Variants in MACROD2 observed in about 807,000 individuals in gnomAD.
MACROD2 encodes ADP-ribose glycohydrolase MACROD2.
MACROD2 carries 36 observed loss-of-function variants against 70.4 expected under a neutral mutation model. That is an observed-to-expected ratio of 0.51 (90% CI 0.39 to 0.68). The LOEUF (loss-of-function observed/expected upper bound fraction) is 0.68, where lower values mean the gene tolerates loss of function less well. Among genes scored for constraint, MACROD2 ranks in the 30% least tolerant of loss-of-function variants. The pLI is 0.00. For synonymous variants in MACROD2, 172 were observed against 178.8 expected, an observed-to-expected ratio of 0.96 and a Z score of 0.30; for missense variants, 496 against 538.4, an observed-to-expected ratio of 0.92 and a Z score of 0.78.
At chr20:15,872,449 T>C (rs1162374379) in intron 9 of MACROD2, among the ~76,000 whole-genome samples, 1 of 152,202 alleles carries the variant, frequency 6.6e-6, no homozygotes, top group Non-Finnish European at 1.5e-5. Flanking sequence ...AATGCTAGGC[T>C]TGTTATTATA....
intron 8 of MACROD2, among the ~76,000 whole-genome samples, chr20:15,848,010 G>T (rs2147142164): frequency 6.6e-6 from 1 of 152,278 alleles, no homozygotes; most frequent in Admixed American, 6.5e-5. Flanking sequence ...GTATAGCAGA[G>T]AAGTGTTCAA....
At chr20:15,864,970 C>A (rs1426993978) in intron 9 of MACROD2, among the ~76,000 whole-genome samples, 1 of 152,058 alleles carries the variant, frequency 6.6e-6, no homozygotes, top group African/African-American at 2.4e-5. Flanking sequence ...ACATAATATA[C>A]CTTACCTGTC....
chr20:14,829,089 C>T (rs373622532), intron 5 of MACROD2, among the ~76,000 whole-genome samples: 4 of 151,262 alleles, frequency 2.6e-5, no homozygotes, highest in East Asian at 1.9e-4. Context: ...TCCCTCCCAC[C>T]GCTCCCTGCT....
At chr20:15,669,600 A>T (rs2049950524) in intron 8 of MACROD2, among the ~76,000 whole-genome samples, 2 of 152,202 alleles carry the variant, frequency 1.3e-5, no homozygotes, top group African/African-American at 4.8e-5. Context: ...TTTAAGCCTA[A>T]TATATGATCC....
intron 5 of MACROD2, among the ~76,000 whole-genome samples, chr20:15,114,012 T>C (rs2075974919): frequency 6.6e-6 from 1 of 152,126 alleles, no homozygotes; most frequent in Non-Finnish European, 1.5e-5. Context: ...TGCCTAATCT[T>C]TGAAGTCTGG....
intron 4 of MACROD2, among the ~76,000 whole-genome samples, chr20:14,506,778 G>A (rs2084973539): frequency 6.6e-6 from 1 of 152,024 alleles, no homozygotes; most frequent in Admixed American, 6.6e-5. Flanking sequence ...GTGAAACCCT[G>A]CCTCCACTAA....
chr20:15,492,701 C>T (rs778079503), intron 7 of MACROD2, among the ~76,000 whole-genome samples: 5 of 152,130 alleles, frequency 3.3e-5, no homozygotes, highest in South Asian at 4.2e-4. Context: ...GAAAGTCTCA[C>T]GTTTGATAAC....
intron 7 of MACROD2, among the ~76,000 whole-genome samples, chr20:15,496,222 G>A (rs2047296139): frequency 6.6e-6 from 1 of 152,210 alleles, no homozygotes; most frequent in South Asian, 2.1e-4. Flanking sequence ...ACAAACTAAC[G>A]AGAAAACAAG....
At chr20:15,619,471 G>A (rs777535790) in intron 8 of MACROD2, 6 of 273,554 alleles carry the variant, frequency 2.2e-5, no homozygotes, top group Admixed American at 1.5e-4. Flanking sequence ...GCAGAGCCCC[G>A]GGCAGGATCA....
intron 3 of MACROD2, among the ~76,000 whole-genome samples, chr20:14,211,613 T>C (rs749686299): frequency 5.3e-5 from 8 of 152,200 alleles, no homozygotes; most frequent in Non-Finnish European, 7.3e-5. Context: ...GTTTACAGGC[T>C]CTCTGCTATC....
At chr20:14,463,781 A>C (rs1346791724) in intron 3 of MACROD2, among the ~76,000 whole-genome samples, 1 of 152,036 alleles carries the variant, frequency 6.6e-6, no homozygotes, top group Admixed American at 6.6e-5. Flanking sequence ...TTCTGCATCT[A>C]TTGAGATAAT....
intron 15 of MACROD2, among the ~76,000 whole-genome samples, chr20:16,020,640 G>T (rs534423272): frequency 8.0e-5 from 12 of 150,268 alleles, no homozygotes; most frequent in South Asian, 6.4e-4. Context: ...GACATTGATT[G>T]TCTATCTCAT....
intron 8 of MACROD2, among the ~76,000 whole-genome samples, chr20:15,736,354 T>C (rs6043500): frequency 6.5e-4 from 99 of 152,308 alleles, no homozygotes; most frequent in African/African-American, 2.2e-3. Context: ...ATGAAGATAG[T>C]TGCTGTTTCT....
chr20:14,928,656 C>T (rs2074262095), intron 5 of MACROD2, among the ~76,000 whole-genome samples: 1 of 152,188 alleles, frequency 6.6e-6, no homozygotes, highest in Admixed American at 6.5e-5. Flanking sequence ...AAGTCCTCAT[C>T]ATCCTGTATG....
At chr20:15,095,494 T>C (rs1042115441) in intron 5 of MACROD2, among the ~76,000 whole-genome samples, 3 of 151,974 alleles carry the variant, frequency 2.0e-5, no homozygotes, top group Non-Finnish European at 4.4e-5. Context: ...TATAGTTTTT[T>C]GTTTTGTTTT....
In MACROD2 at chr20:15,076,937, A is replaced by G. The variant is rs964328414; in HGVS notation, c.419-153003A>G. Among the ~76,000 whole-genome samples, 2 of 152,276 alleles carry G rather than the reference A, an allele frequency of 1.3e-5. 1 individual carries two copies. Reference sequence around the variant, plus strand: ...AGTTCAGAATGAAATTTTCCTTATCAAGTCCATAAAATTTGCAAATTACTT... The same window carrying G: ...AGTTCAGAATGAAATTTTCCTTATCGAGTCCATAAAATTTGCAAATTACTT... On this transcript the variant is annotated intron_variant, in intron 5 of 17. Transcript: ENST00000684519.
intron 3 of MACROD2, among the ~76,000 whole-genome samples, chr20:14,396,951 T>C (rs2083587340): frequency 2.1e-5 from 3 of 143,470 alleles, no homozygotes; most frequent in Non-Finnish European, 4.5e-5. Context: ...TCCAATCTGA[T>C]AGTTGTTAAT....
intron 3 of MACROD2, among the ~76,000 whole-genome samples, chr20:14,459,405 C>T (rs2084341677): frequency 6.6e-6 from 1 of 151,834 alleles, no homozygotes; most frequent in South Asian, 2.1e-4. Flanking sequence ...AGAAAAAGTA[C>T]ACATTTTTGT....
intron 5 of MACROD2, among the ~76,000 whole-genome samples, chr20:14,796,246 T>G (rs528838320): frequency 1.3e-5 from 2 of 152,188 alleles, no homozygotes; most frequent in South Asian, 4.1e-4. Context: ...ATTGATCCAG[T>G]GTGGTAACAA....
Sources: allele counts gnomAD v4.1 joint callset (sites outside exome capture counted in the v4.1 genomes callset), GRCh38; gene constraint gnomAD v4.1.1; transcripts MANE v1.5; gene names NCBI Gene and HGNC (gene_info 2026-07-23, HGNC 2026-07-21).